Variants in DHX34 observed in about 807,000 individuals in gnomAD.
The protein encoded by DHX34 is probable ATP-dependent RNA helicase DHX34.
Under a neutral mutation model 111.1 loss-of-function variants are expected in DHX34, and 96 were observed. That is an observed-to-expected ratio of 0.86 (90% CI 0.73 to 1.02). DHX34 has a LOEUF of 1.02. DHX34 is among the 50% of genes least tolerant of loss of function. The pLI, the probability that DHX34 is intolerant of heterozygous loss-of-function variation, is 0.00. For missense variants in DHX34, 1,560 were observed against 1,579.9 expected, an observed-to-expected ratio of 0.99 and a Z score of 0.21; for synonymous variants, 688 against 670.4, an observed-to-expected ratio of 1.03 and a Z score of -0.41.
In DHX34 at chr19:47,362,628, G is replaced by C; in HGVS notation, c.1528G>C (p.Asp510His). 1 of 1,613,880 alleles carries C rather than the reference G, an allele frequency of 6.2e-7. No individual in the cohort carries two copies. The highest frequency in any genetic ancestry group is 8.5e-7 in the Non-Finnish European group (1 of 1,179,990). ...CFRLYAESDY[D>H]AFAPYPVPEI... ...CCGCCTCTATGCCGAATCGGACTAT[G>C]ATGCCTTCGCCCCCTACCCCGTCCC... Residue 510 changes from aspartate to histidine, a missense_variant, in exon 6 of 17, where the codon GAT (aspartate) becomes CAT (histidine). Asp to His is a moderately conservative substitution (Grantham distance 81). Transcript: ENST00000328771.
Position 47,353,734 on chromosome 19 carries a change from A to G in DHX34, c.704A>G (p.Gln235Arg), listed in dbSNP as rs1969366832. 1.3e-6 allele frequency: 2 copies of G among 1,575,092 alleles called. No homozygotes were observed. The highest frequency in any genetic ancestry group is 1.7e-6 in the Non-Finnish European group (2 of 1,156,794). Residue 235 changes from glutamine to arginine, a missense_variant and splice_region_variant, in exon 2 of 17, where the codon CAG (glutamine) becomes CGG (arginine). Gln to Arg is a conservative substitution (Grantham distance 43). Transcript: ENST00000328771. The surrounding 1 kb of genome is among the most constrained non-coding windows in gnomAD (Gnocchi z 4.6). The stretch of plus-strand genomic sequence containing the variant: ...GAGAGCCTCAGTCAGTATGGCTCAC[A>G]GGTGAGTGGGACGCACCAGGTTTCC... ...GFESLSQYGS[Q>R]VGYQIRFEST...
At chr19:47,378,359 T>C (rs138274742) in intron 13 of DHX34, among the ~76,000 whole-genome samples, 2 of 152,176 alleles carry the variant, frequency 1.3e-5, no homozygotes, top group East Asian at 3.9e-4. Flanking sequence ...CTCCCCACCC[T>C]CATGGGGCTC....
intron 3 of DHX34, among the ~76,000 whole-genome samples, chr19:47,355,745 G>T (rs1032676039): frequency 6.6e-6 from 1 of 151,996 alleles, no homozygotes; most frequent in African/African-American, 2.4e-5. Context: ...CCAGCTACTC[G>T]GGAGGCTGAG....
At chr19:47,376,728 G>C in intron 12 of DHX34, 168 bp downstream of exon 12, 1 of 1,426,676 alleles carries the variant, frequency 7.0e-7, no homozygotes, top group Non-Finnish European at 9.3e-7. Flanking sequence ...GTAGCCTTGG[G>C]TGACTCACCC....
rs1456733526 is a variant in DHX34, at chr19:47,376,576, G to T, written c.2599+16G>T. On this transcript the variant is annotated intron_variant, in intron 12 of 16. Coordinates refer to ENST00000328771, the MANE Select transcript of DHX34 (RefSeq NM_014681.6). ...GGAAGCCGAGGTACAGTGAGCCCAG[G>T]CGGAAGGAACCCCCATCCGGGATGT... 1.3e-6 allele frequency: 2 copies of T among 1,550,102 alleles called. No individual in the cohort carries two copies. The highest frequency in any genetic ancestry group is 2.4e-5 in the East Asian group (1 of 41,092).
intron 4 of DHX34, among the ~76,000 whole-genome samples, chr19:47,359,126 A>AC (rs1969547786): frequency 2.0e-5 from 3 of 152,126 alleles, no homozygotes; most frequent in African/African-American, 4.8e-5. Context: ...AGAGGCCTGG[A>AC]CCAGGGCAGG....
In DHX34 at chr19:47,381,253, C is replaced by T. The variant is rs200644278; in HGVS notation, c.3227C>T (p.Ala1076Val). The T allele has an allele frequency of 3.5e-5, 56 of 1,614,066 alleles. No homozygotes were observed. The highest frequency in any genetic ancestry group is 1.5e-4 in the Admixed American group (9 of 60,022). ...FWTCPHCGLH[A>V]PLTPLERIAH... is the part of the protein sequence containing the mutation. ...ACCTGCCCCCACTGTGGCCTGCATG[C>T]GCCCCTCACGCCCCTGGAGCGCATC... The change falls in exon 16 of 17, where the codon GCG (alanine) becomes GTG (valine). Residue 1076 changes from alanine (A) to valine (V), a missense_variant. Physicochemically the swap from Ala to Val is moderately conservative, Grantham distance 64. Transcript: ENST00000328771.
rs61489486 is a variant in DHX34, at chr19:47,360,348, A to G, written c.1375+278A>G. On this transcript the variant is annotated intron_variant, in intron 5 of 16. Transcript: ENST00000328771. ...TTGGAGGGTCACGTTAGTGCTGAAA[A>G]CATTTCAGATTTTCGAGCATTTCAG... is the stretch of plus-strand genomic sequence containing the variant. Among the ~76,000 whole-genome samples the G allele has an allele frequency of 4.1e-3, 628 of 152,226 alleles. 3 individuals are homozygous for G. The highest frequency in any genetic ancestry group is 0.013 in the African/African-American group (552 of 41,524).
At chr19:47,359,383 G>A (rs1398902255) in intron 4 of DHX34, among the ~76,000 whole-genome samples, 1 of 151,258 alleles carries the variant, frequency 6.6e-6, no homozygotes, top group Non-Finnish European at 1.5e-5. Context: ...GATCGCATGA[G>A]CTCAGGAGGT....
intron 7 of DHX34, among the ~76,000 whole-genome samples, chr19:47,367,623 C>A (rs1033713489): frequency 1.3e-5 from 2 of 152,168 alleles, no homozygotes; most frequent in Admixed American, 1.3e-4. Flanking sequence ...GGCACAGTGG[C>A]CCACACCTGT....
chr19:47,377,412 C>T (rs955245687), intron 13 of DHX34, among the ~76,000 whole-genome samples: 4 of 152,316 alleles, frequency 2.6e-5, no homozygotes, highest in Non-Finnish European at 4.4e-5. Context: ...CTGCTGGGTG[C>T]CAGGCGCTGT....
intron 4 of DHX34, among the ~76,000 whole-genome samples, chr19:47,358,488 C>G (rs1175464086): frequency 6.7e-6 from 1 of 150,114 alleles, no homozygotes; most frequent in Non-Finnish European, 1.5e-5. Flanking sequence ...GGGTCTTGCT[C>G]TGTTGTCCAG....
chr19:47,373,470 C>T (rs1970033279), intron 8 of DHX34, 129 bp from the exon 9 acceptor site: 10 of 1,457,580 alleles, frequency 6.9e-6, no homozygotes, highest in Non-Finnish European at 8.1e-6. Context: ...GGCACTGGGG[C>T]TGAGACCTGG....
chr19:47,376,239 C>A, intron 11 of DHX34, 142 bp downstream of exon 11: 1 of 1,430,188 alleles, frequency 7.0e-7, no homozygotes. Context: ...GGAGGACAGA[C>A]CCATCCCCAG....
chr19:47,357,772 C>T, intron 3 of DHX34, 94 bp from the exon 4 acceptor site: 1 of 1,492,812 alleles, frequency 6.7e-7, no homozygotes, highest in Non-Finnish European at 9.0e-7. Context: ...CTCCGTTAGC[C>T]TGTGGTCTCC....
chr19:47,377,694 G>A (rs1970214473), intron 13 of DHX34, among the ~76,000 whole-genome samples: 1 of 151,962 alleles, frequency 6.6e-6, no homozygotes, highest in African/African-American at 2.4e-5. Flanking sequence ...CTGGCGTGCA[G>A]TCAGCAAGGG....
In DHX34 at chr19:47,381,458, C is replaced by CCA. The variant is rs1970356695; in HGVS notation, c.3298+141_3298+142dup. The CCA allele has an allele frequency of 2.3e-6, 3 of 1,297,676 alleles. No individual in the cohort carries two copies. In the South Asian group the frequency reaches 4.5e-5, roughly 20 times the overall value. The allele number at this position is 1,297,676 out of a possible 1,614,324, so 80.4% of individuals were successfully genotyped here. On this transcript the variant is annotated intron_variant, in intron 16 of 16. Transcript: ENST00000328771. ...CTCCACCCGCTGGCCCTGGCTGGTG[C>CCA]CACACACAGGCCTTGTCCTGAAGAT...
intron 3 of DHX34, among the ~76,000 whole-genome samples, chr19:47,356,353 C>T (rs1338236198): frequency 1.3e-5 from 2 of 151,932 alleles, no homozygotes; most frequent in African/African-American, 2.4e-5. Flanking sequence ...AAGAATGGGT[C>T]GGGCACGGTG....
chr19:47,364,369 A>T (rs1045119827), intron 6 of DHX34, among the ~76,000 whole-genome samples: 6 of 152,264 alleles, frequency 3.9e-5, no homozygotes, highest in African/African-American at 1.2e-4. Flanking sequence ...GTGCGGGTGT[A>T]GCACAAACCA....
Sources: gnomAD v4.1 joint callset for allele counts (sites outside exome capture counted in the v4.1 genomes callset) on GRCh38, gnomAD v4.1.1 for gene constraint, Gnocchi (gnomAD v3.1) non-coding constraint, MANE v1.5 for transcripts, NCBI Gene and HGNC (gene_info 2026-07-23, HGNC 2026-07-21) for gene names.